The following MECOM variants were observed in gnomAD, a reference collection of about 807,000 sequenced individuals.
MECOM encodes MDS1 and EVI1 complex locus.
In MECOM, 13 loss-of-function variants were observed where a neutral mutation model predicts 116.3. The observed-to-expected ratio is 0.11, with a 90% confidence interval of 0.07 to 0.18. The LOEUF is 0.18. Among genes scored for constraint, MECOM ranks in the 10% least tolerant of loss-of-function variants. The pLI, the probability that MECOM is intolerant of heterozygous loss-of-function variation, is 1.00. For synonymous variants in MECOM, 528 were observed against 535.2 expected (o/e 0.99, Z 0.19); for missense variants, 1,299 against 1,509.0 (o/e 0.86, Z 2.31).
intron 2 of MECOM, among the ~76,000 whole-genome samples, chr3:169,167,247 C>G (rs990517282): frequency 6.6e-6 from 1 of 152,132 alleles, no homozygotes; most frequent in Non-Finnish European, 1.5e-5. Flanking sequence ...CTATTTGTTT[C>G]TCATTTAGAA....
intron 1 of MECOM, among the ~76,000 whole-genome samples, chr3:169,503,241 C>T (rs1016062411): frequency 9.9e-5 from 15 of 152,110 alleles, no homozygotes; most frequent in Admixed American, 5.2e-4. Context: ...TATATAATCT[C>T]AGAAACACTA....
At chr3:169,294,403 A>C (rs1169682017) in intron 2 of MECOM, among the ~76,000 whole-genome samples, 1 of 152,198 alleles carries the variant, frequency 6.6e-6, no homozygotes, top group Non-Finnish European at 1.5e-5. Flanking sequence ...CATTGCTTTT[A>C]ACTAATGTAT....
intron 7 of MECOM, among the ~76,000 whole-genome samples, chr3:169,117,932 T>C (rs1261059464): frequency 1.3e-5 from 2 of 152,216 alleles, no homozygotes; most frequent in African/African-American, 4.8e-5. Context: ...TTAACACTTC[T>C]GTGCATGTTC....
At chr3:169,213,868 A>G (rs774252440) in intron 2 of MECOM, among the ~76,000 whole-genome samples, 22 of 152,164 alleles carry the variant, frequency 1.4e-4, no homozygotes, top group Admixed American at 9.8e-4. Context: ...AGCAGTAAAC[A>G]CTTCCTGCTC....
chr3:169,358,303 G>A (rs1727614712), intron 2 of MECOM, among the ~76,000 whole-genome samples: 1 of 151,656 alleles, frequency 6.6e-6, no homozygotes, highest in African/African-American at 2.4e-5. Context: ...TAAAGGGCAG[G>A]GTTCTGACAC....
chr3:169,629,566 G>A (rs1379963949), intron 1 of MECOM, among the ~76,000 whole-genome samples: 1 of 152,116 alleles, frequency 6.6e-6, no homozygotes, highest in Non-Finnish European at 1.5e-5. Flanking sequence ...CCTGCTGTTG[G>A]AATAGGCATA....
intron 2 of MECOM, among the ~76,000 whole-genome samples, chr3:169,305,400 C>T (rs1037531018): frequency 1.3e-5 from 2 of 152,002 alleles, no homozygotes; most frequent in African/African-American, 4.8e-5. Flanking sequence ...TAAATGATTG[C>T]CTAATTGTGG....
intron 1 of MECOM, among the ~76,000 whole-genome samples, chr3:169,386,831 G>A (rs1293420586): frequency 3.3e-5 from 5 of 151,898 alleles, no homozygotes; most frequent in Non-Finnish European, 7.4e-5. Context: ...AATTATACTG[G>A]CATTTATTAT....
At chr3:169,441,917 ATGTTTTGTTT>A (rs200923526) in intron 1 of MECOM, among the ~76,000 whole-genome samples, 15 of 144,780 alleles carry the variant, frequency 1.0e-4, no homozygotes, top group South Asian at 2.2e-4. Flanking sequence ...TTGTTTTGTT[ATGTTTTGTTT>A]TGTTTTGTTT....
At chr3:169,299,117 A>T (rs1038169149) in intron 2 of MECOM, among the ~76,000 whole-genome samples, 1 of 152,096 alleles carries the variant, frequency 6.6e-6, no homozygotes, top group African/African-American at 2.4e-5. Flanking sequence ...TAACAAATAG[A>T]TCCTTCCTAG....
At chr3:169,300,409 C>T (rs968609883) in intron 2 of MECOM, among the ~76,000 whole-genome samples, 23 of 152,256 alleles carry the variant, frequency 1.5e-4, no homozygotes, top group South Asian at 8.3e-4. Context: ...AATGATCTTG[C>T]GGCGTTTATC....
At chr3:169,457,761 C>A (rs969719058) in intron 1 of MECOM, among the ~76,000 whole-genome samples, 1 of 152,154 alleles carries the variant, frequency 6.6e-6, no homozygotes, top group African/African-American at 2.4e-5. Context: ...GTCTTCCAGG[C>A]CCTCACTGAG....
intron 3 of MECOM, among the ~76,000 whole-genome samples, chr3:169,135,781 T>C (rs1204178086): frequency 2.0e-5 from 3 of 151,944 alleles, no homozygotes; most frequent in African/African-American, 7.2e-5. Context: ...GAATATTATA[T>C]TTGGATCTCT....
chr3:169,131,106 C>T (rs1372968384), intron 4 of MECOM, among the ~76,000 whole-genome samples: 1 of 152,116 alleles, frequency 6.6e-6, no homozygotes, highest in Non-Finnish European at 1.5e-5. Context: ...AAATCAAGCT[C>T]CCTGAAAGAT....
At position 169,095,077 on chromosome 3, in the gene MECOM, G is replaced by A. The variant is rs141176563; in HGVS notation, c.3018C>T (p.Ser1006=). The part of the protein sequence containing the change: ...HLKKHENGNM[S]GTATSSPHSE... ...CTTATAACACAATTTATTACGTACC[G>A]GACATGTTCCCATTCTCATGTTTCT... Residue 1006 remains serine (S), a splice_region_variant and synonymous_variant, in exon 13 of 17, where the codon TCC becomes TCT. Transcript: ENST00000651503. 1.8e-4 allele frequency: 292 copies of A among 1,597,322 alleles called. No individual in the cohort carries two copies. The African/African-American group carries it at 2.5e-3, about 14-fold the overall frequency.
intron 10 of MECOM, among the ~76,000 whole-genome samples, chr3:169,106,333 A>G (rs1377177810): frequency 6.6e-6 from 1 of 152,106 alleles, no homozygotes; most frequent in South Asian, 2.1e-4. Context: ...GTAGGTGTAT[A>G]TATCTGTGGG....
At chr3:169,383,950 A>C (rs1394970761) in intron 1 of MECOM, among the ~76,000 whole-genome samples, 1 of 152,146 alleles carries the variant, frequency 6.6e-6, no homozygotes, top group East Asian at 1.9e-4. Flanking sequence ...CTCCTGAGTC[A>C]AATTCCAGCT....
At chr3:169,512,368 A>G (rs1386338757) in intron 1 of MECOM, among the ~76,000 whole-genome samples, 1 of 152,182 alleles carries the variant, frequency 6.6e-6, no homozygotes, top group African/African-American at 2.4e-5. Flanking sequence ...TGAATTGTTC[A>G]GACTTAGCCC....
intron 1 of MECOM, among the ~76,000 whole-genome samples, chr3:169,583,479 CCTCT>C (rs563529881): frequency 6.6e-6 from 1 of 152,154 alleles, no homozygotes; most frequent in Admixed American, 6.5e-5. Flanking sequence ...GCTTTCCCTC[CCTCT>C]CTCTTTCTCT....
Sources: allele counts gnomAD v4.1 joint callset (sites outside exome capture counted in the v4.1 genomes callset), GRCh38; gene constraint gnomAD v4.1.1; transcripts MANE v1.5; gene names NCBI Gene and HGNC (gene_info 2026-07-23, HGNC 2026-07-21).